AGAP1: variants seen among roughly 807,000 people sequenced by gnomAD.
AGAP1 encodes the protein ArfGAP with GTPase domain, ankyrin repeat and PH domain 1.
AGAP1 carries 29 observed loss-of-function variants against 105.3 expected under a neutral mutation model. That is an observed-to-expected ratio of 0.28 (90% CI 0.21 to 0.38). The LOEUF (loss-of-function observed/expected upper bound fraction) is 0.38. Among genes scored for constraint, AGAP1 ranks in the 10% least tolerant of loss-of-function variants. The pLI, the probability that AGAP1 is intolerant of heterozygous loss-of-function variation, is 1.00. For missense variants in AGAP1, 998 were observed against 1,165.1 expected (o/e 0.86, Z 2.09); for synonymous variants, 509 against 485.9 (o/e 1.05, Z -0.63).
Position 235,869,420 on chromosome 2 carries a change from T to TAAAAAAAAAAAAAAAAA in AGAP1, c.1051-13910_1051-13894dup, listed in dbSNP as rs35813316. Among the ~76,000 whole-genome samples, 3 of 49,946 alleles carry TAAAAAAAAAAAAAAAAA rather than the reference T, an allele frequency of 6.0e-5. 1 individual carries two copies. The highest frequency in any genetic ancestry group is 1.1e-4 in the Non-Finnish European group (3 of 26,726). 32.8% of individuals were successfully genotyped at this position (49,946 alleles called of 152,430 possible). On this transcript the variant is annotated intron_variant, in intron 9 of 17. Transcript: ENST00000304032. ...CAACATGGTGAAACTCCATCTCTACTAAAAAAAAAAAAAAAAAAAAAAAAA... is the reference window on the plus strand; with the variant it reads ...CAACATGGTGAAACTCCATCTCTACTAAAAAAAAAAAAAAAAAAAAAAAAAAAAAAAAAAAAAAAAAA...
At chr2:236,004,777 CAT>C (rs1158904804) in intron 13 of AGAP1, among the ~76,000 whole-genome samples, 1 of 152,146 alleles carries the variant, frequency 6.6e-6, no homozygotes, top group Non-Finnish European at 1.5e-5. Flanking sequence ...GCAAATGTGA[CAT>C]ATAGTGTGTG....
At chr2:235,674,597 T>C (rs1948622895) in intron 1 of AGAP1, among the ~76,000 whole-genome samples, 1 of 152,224 alleles carries the variant, frequency 6.6e-6, no homozygotes, top group Non-Finnish European at 1.5e-5. Context: ...ATTAGTAATT[T>C]ACAACTGATT....
chr2:236,028,103 C>G (rs1446894997), intron 13 of AGAP1, among the ~76,000 whole-genome samples: 1 of 152,278 alleles, frequency 6.6e-6, no homozygotes, highest in East Asian at 1.9e-4. Context: ...CTTAGCTGTG[C>G]TTTCCACGGT....
At chr2:236,028,111 G>A (rs980322241) in intron 13 of AGAP1, among the ~76,000 whole-genome samples, 25 of 152,126 alleles carry the variant, frequency 1.6e-4, no homozygotes, top group African/African-American at 5.8e-4. Context: ...TGCTTTCCAC[G>A]GTCAGCAGGG....
Position 235,962,089 on chromosome 2 carries a change from T to C in AGAP1, c.1484-6373T>C, listed in dbSNP as rs957480954. 1.3e-5 allele frequency among the ~76,000 whole-genome samples: 2 copies of C among 149,874 alleles called. No homozygotes were observed. The highest frequency in any genetic ancestry group is 5.1e-5 in the African/African-American group (2 of 39,422). On this transcript the variant is annotated intron_variant, in intron 12 of 17. Transcript: ENST00000304032. The surrounding 1 kb of genome is among the most constrained non-coding windows in gnomAD (Gnocchi z 5.3). Reference sequence around the variant, plus strand: ...TTTGTTTTGTTTTGTTTTGTTTCAGTGAAGTGAAAAGTGAGGTCATCGTGA... The same window carrying C: ...TTTGTTTTGTTTTGTTTTGTTTCAGCGAAGTGAAAAGTGAGGTCATCGTGA...
rs957082192 is a variant in AGAP1, at chr2:235,777,416, CAGA to C, written c.674-20335_674-20333del. 3.9e-5 allele frequency among the ~76,000 whole-genome samples: 6 copies of C among 152,232 alleles called. No homozygotes were observed. Among genetic ancestry groups the C allele is most frequent in the African/African-American group, 1.4e-4 (6 of 41,468 alleles). The stretch of plus-strand genomic sequence containing the variant: ...GGAGACAGAACCAGCAGACATGGGA[CAGA>C]AGAAGAATTACAGGTGTGAAGCGCC... On this transcript the variant is annotated intron_variant, in intron 6 of 17. Coordinates refer to ENST00000304032, the MANE Select transcript of AGAP1 (RefSeq NM_001037131.3). The surrounding 1 kb of genome is among the most constrained non-coding windows in gnomAD (Gnocchi z 5.1).
intron 1 of AGAP1, among the ~76,000 whole-genome samples, chr2:235,694,900 G>A (rs371437040): frequency 2.0e-5 from 3 of 152,120 alleles, no homozygotes; most frequent in South Asian, 2.1e-4. Flanking sequence ...GGGGGGTTCC[G>A]GCTTCTTCGC....
chr2:235,671,589 G>C (rs1007765855), intron 1 of AGAP1, among the ~76,000 whole-genome samples: 5 of 152,248 alleles, frequency 3.3e-5, no homozygotes, highest in Admixed American at 2.6e-4. Context: ...TGAGCTGGCT[G>C]TAAGGACACC....
At chr2:236,064,533 T>C (rs1210373716) in intron 16 of AGAP1, among the ~76,000 whole-genome samples, 1 of 152,040 alleles carries the variant, frequency 6.6e-6, no homozygotes, top group Non-Finnish European at 1.5e-5. Context: ...GAGGCGGAGG[T>C]TGCAGTGAGC....
rs1396607261 is a variant in AGAP1 at position 236,050,989 on chromosome 2, A to G, written c.2114+1708A>G. 2.6e-5 allele frequency among the ~76,000 whole-genome samples: 4 copies of G among 152,192 alleles called. No homozygotes were observed. The highest frequency in any genetic ancestry group is 5.9e-5 in the Non-Finnish European group (4 of 68,042). ...GAGTGCAGAGCCCTGTCTTTTTTCC[A>G]GTGTTACATACATCACATCATTATA... On this transcript the variant is annotated intron_variant, in intron 16 of 17. Coordinates refer to ENST00000304032, the MANE Select transcript of AGAP1 (RefSeq NM_001037131.3). The surrounding 1 kb of genome is among the most constrained non-coding windows in gnomAD (Gnocchi z 4.0).
At position 235,499,409 on chromosome 2, in the gene AGAP1, CT is replaced by C. The variant is rs775373722; in HGVS notation, c.163+4562del. 2.6e-5 allele frequency among the ~76,000 whole-genome samples: 4 copies of C among 152,344 alleles called. No individual in the cohort carries two copies. In the East Asian group the frequency reaches 5.8e-4, roughly 22 times the overall value. Reference sequence around the variant, plus strand: ...GCATGTTTAGGGAAACAAACATTTTCTTCCTGCTGTGGATAAGTGTCATGTT... The same window carrying C: ...GCATGTTTAGGGAAACAAACATTTTCTCCTGCTGTGGATAAGTGTCATGTT... On this transcript the variant is annotated intron_variant, in intron 1 of 17. Transcript: ENST00000304032.
chr2:235,518,508 C>T (rs1045738219), intron 1 of AGAP1, among the ~76,000 whole-genome samples: 2 of 151,796 alleles, frequency 1.3e-5, no homozygotes, highest in African/African-American at 4.9e-5. Flanking sequence ...TGGATTTCCT[C>T]TGTTTCTGAC....
At chr2:235,711,573 G>T (rs1443411112) in intron 2 of AGAP1, among the ~76,000 whole-genome samples, 1 of 152,224 alleles carries the variant, frequency 6.6e-6, no homozygotes, top group Non-Finnish European at 1.5e-5. Context: ...TGGTTCTACA[G>T]TTCTCAGAAC....
At chr2:235,627,704 C>T (rs543000789) in intron 1 of AGAP1, among the ~76,000 whole-genome samples, 1 of 152,034 alleles carries the variant, frequency 6.6e-6, no homozygotes, top group South Asian at 2.1e-4. Context: ...ATGCCTCGTC[C>T]CCGGCTCAGC....
chr2:236,070,896 A>G (rs1320621384), intron 16 of AGAP1, among the ~76,000 whole-genome samples: 1 of 152,202 alleles, frequency 6.6e-6, no homozygotes, highest in Non-Finnish European at 1.5e-5. Flanking sequence ...GAAAAATGCT[A>G]AAACCATTGA....
intron 12 of AGAP1, 73 bp from the exon 13 acceptor site, chr2:235,968,389 C>G: frequency 6.6e-7 from 1 of 1,520,540 alleles, no homozygotes. Flanking sequence ...TGTGCTGTTT[C>G]TGCGCATTCT....
rs1952073229 is a variant in AGAP1, at chr2:235,733,600, C to G, written c.311-7363C>G. Among the ~76,000 whole-genome samples, 1 of 152,114 alleles carries G rather than the reference C, an allele frequency of 6.6e-6. No homozygotes were observed. ...TGAAGTTCTAATCTGCCATCTTAAC[C>G]TGGAGTTTGGCTTTTTTCTTGTTCT... On this transcript the variant is annotated intron_variant, in intron 3 of 17. Coordinates refer to ENST00000304032, the MANE Select transcript of AGAP1 (RefSeq NM_001037131.3). The surrounding 1 kb of genome is among the most constrained non-coding windows in gnomAD (Gnocchi z 5.0).
intron 2 of AGAP1, among the ~76,000 whole-genome samples, chr2:235,710,712 G>A (rs75571733): frequency 1.2e-4 from 19 of 152,302 alleles, no homozygotes; most frequent in East Asian, 3.9e-4. Context: ...GGAAATGTGC[G>A]TTGAATGAAT....
At chr2:235,519,576 G>T (rs935949943) in intron 1 of AGAP1, among the ~76,000 whole-genome samples, 1 of 152,100 alleles carries the variant, frequency 6.6e-6, no homozygotes, top group Non-Finnish European at 1.5e-5. Context: ...ATGTGTATAT[G>T]TGTTGTGTGT....
Sources: gnomAD v4.1 joint callset for allele counts (sites outside exome capture counted in the v4.1 genomes callset) on GRCh38, gnomAD v4.1.1 for gene constraint, Gnocchi (gnomAD v3.1) non-coding constraint, MANE v1.5 for transcripts, NCBI Gene and HGNC (gene_info 2026-07-23, HGNC 2026-07-21) for gene names.